CCDC197: variants seen among roughly 807,000 people sequenced by gnomAD.
The protein encoded by CCDC197 is uncharacterized protein CCDC197.
In CCDC197, 24 loss-of-function variants were observed where a neutral mutation model predicts 13.4. The ratio of observed to expected loss-of-function variants is 1.80; its 90% CI spans 1.30 to 2.53. The LOEUF (loss-of-function observed/expected upper bound fraction) is 2.53. CCDC197 is among the 30% of genes most tolerant of loss of function. The probability of loss-of-function intolerance (pLI) is 0.00; values close to 1 mark genes in which losing one functional copy is unlikely to be tolerated. For missense variants in CCDC197, 255 were observed against 148.8 expected (o/e 1.71, Z -3.71); for synonymous variants, 99 against 55.5 (o/e 1.78, Z -3.48).
At chr14:93,991,298 CAT>C (rs1203581071) in intron 1 of CCDC197, among the ~76,000 whole-genome samples, 2 of 152,192 alleles carry the variant, frequency 1.3e-5, no homozygotes, top group East Asian at 3.8e-4. Context: ...AGGCCATTCT[CAT>C]TTACTGAGAT....
chr14:94,008,677 G>T lies in CCDC197; in HGVS notation c.684G>T (p.Trp228Cys). ...TGCTCACGGAACCCAAAGTGTGCTG[G>T]TCATGGGACAGCTTCGGGGACCAGT... ...IALLTEPKVC[W>C]SWDSFGDQWL... The change falls in exon 7 of 7, where the codon TGG becomes TGT. Residue 228 changes from tryptophan to cysteine, a missense_variant. Transcript: ENST00000636493. 2 of 703,022 alleles carry T rather than the reference G, an allele frequency of 2.8e-6. No homozygotes were observed. The highest frequency in any genetic ancestry group is 5.2e-6 in the Non-Finnish European group (2 of 385,016). 43.5% of individuals were successfully genotyped at this position (703,022 alleles called of 1,614,324 possible). A position where few individuals can be genotyped will look rare whatever the true frequency, so the allele number is the denominator to read the frequency against.
chr14:94,007,190 G>A (rs1320640148), intron 6 of CCDC197: 3 of 152,286 alleles, frequency 2.0e-5, no homozygotes, highest in African/African-American at 7.2e-5. Flanking sequence ...TATCTAAAAA[G>A]CCATTACCTA....
chr14:94,001,882 G>A (rs1359017574), intron 4 of CCDC197, among the ~76,000 whole-genome samples: 25 of 152,178 alleles, frequency 1.6e-4, no homozygotes, highest in Middle Eastern at 3.2e-3. Context: ...CGGGGACTTC[G>A]GGATCCCAGA....
At chr14:93,996,073 A>T (rs1021524332), upstream of CCDC197, among the ~76,000 whole-genome samples, 1 of 152,016 alleles carries the variant, frequency 6.6e-6, no homozygotes, top group African/African-American at 2.4e-5. Context: ...TCCTCGTGAA[A>T]CACCTCGGAC....
upstream of CCDC197, among the ~76,000 whole-genome samples, chr14:93,994,152 G>A (rs1283638385): frequency 6.6e-6 from 1 of 152,184 alleles, no homozygotes; most frequent in Non-Finnish European, 1.5e-5. Flanking sequence ...CTGGACCTGG[G>A]TCCACATCCC....
At position 93,997,541 on chromosome 14, in the gene CCDC197, G is replaced by A. The variant is rs74074303; in HGVS notation, c.-164G>A. 1,264 of 152,578 alleles carry A rather than the reference G, an allele frequency of 8.3e-3. 20 individuals are homozygous for A. The highest frequency in any genetic ancestry group is 0.028 in the African/African-American group (1,172 of 41,456). The allele number at this position is 152,578 out of a possible 1,614,324, so 9.5% of individuals were successfully genotyped here. A position where few individuals can be genotyped will look rare whatever the true frequency, so the allele number is the denominator to read the frequency against. Reference sequence around the variant, plus strand: ...CCAGCTTGACCATGAGCTTCTTCAAGGCATCTCTTCTCAGTCTCCACTGTA... The same window carrying A: ...CCAGCTTGACCATGAGCTTCTTCAAAGCATCTCTTCTCAGTCTCCACTGTA... On this transcript the variant is annotated 5_prime_UTR_variant, in exon 1 of 7. Transcript: ENST00000636493.
chr14:94,001,061 C>T (rs2049315024), intron 3 of CCDC197, 84 bp from the exon 4 acceptor site: 1 of 649,000 alleles, frequency 1.5e-6, no homozygotes, highest in South Asian at 1.8e-5. Context: ...AATTTTGTGG[C>T]CCCAGCTGGA....
chr14:94,006,431 C>G (rs952707758), intron 6 of CCDC197, among the ~76,000 whole-genome samples: 2 of 151,900 alleles, frequency 1.3e-5, no homozygotes, highest in South Asian at 2.1e-4. Context: ...GCTCGGCTCA[C>G]TGCAACCTCT....
intron 6 of CCDC197, among the ~76,000 whole-genome samples, chr14:94,008,202 G>C (rs1404168247): frequency 6.6e-6 from 1 of 152,200 alleles, no homozygotes; most frequent in Non-Finnish European, 1.5e-5. Context: ...CATGAATTGA[G>C]CCACCTGAAT....
At position 93,999,666 on chromosome 14, in the gene CCDC197, G is replaced by A. The variant is rs368158733; in HGVS notation, c.187+1G>A. 6.4e-6 allele frequency: 5 copies of A among 780,870 alleles called. No individual in the cohort carries two copies. The African/African-American group carries it at 6.8e-5, about 11-fold the overall frequency. The allele number at this position is 780,870 out of a possible 1,614,324, so 48.4% of individuals were successfully genotyped here. A position where few individuals can be genotyped will look rare whatever the true frequency, so the allele number is the denominator to read the frequency against. On this transcript the variant is annotated splice_donor_variant, in intron 3 of 6. Coordinates refer to ENST00000636493, the MANE Select transcript of CCDC197 (RefSeq NM_001351596.2). LOFTEE classifies it high-confidence loss of function. ...AAGGTCCTTGAGAAAATCCCCGAGGGTATGTACACAGCTTCCTCGGAAAGC... is the reference window on the plus strand; with the variant it reads ...AAGGTCCTTGAGAAAATCCCCGAGGATATGTACACAGCTTCCTCGGAAAGC...
At chr14:94,009,851 T>A (rs1259571712), downstream of CCDC197, among the ~76,000 whole-genome samples, 1 of 152,236 alleles carries the variant, frequency 6.6e-6, no homozygotes, top group Non-Finnish European at 1.5e-5. Context: ...GTTGTGCCAC[T>A]GGGGTAAAAT....
At chr14:94,000,616 G>A (rs1329499913) in intron 3 of CCDC197, among the ~76,000 whole-genome samples, 4 of 152,120 alleles carry the variant, frequency 2.6e-5, no homozygotes, top group African/African-American at 9.7e-5. Context: ...ATGTGGCTGG[G>A]AGGCTGGGGA....
chr14:93,997,763 G>T (rs540835606), intron 1 of CCDC197, among the ~76,000 whole-genome samples, 192 bp downstream of exon 1: 3 of 152,258 alleles, frequency 2.0e-5, no homozygotes, highest in African/African-American at 7.2e-5. Flanking sequence ...AAAGTTCCCA[G>T]GCATCTTGGT....
chr14:93,987,697 A>T (rs1890122811), intron 1 of CCDC197, among the ~76,000 whole-genome samples: 1 of 152,212 alleles, frequency 6.6e-6, no homozygotes, highest in Non-Finnish European at 1.5e-5. Context: ...CGCAGGAGTC[A>T]GGACTGCAGC....
chr14:93,995,928 C>T, upstream of CCDC197, among the ~76,000 whole-genome samples: 1 of 152,248 alleles, frequency 6.6e-6, no homozygotes. Context: ...CACTCCCACC[C>T]TGATCGCCCC....
At chr14:94,008,910 T>A (rs540540139), downstream of CCDC197, 2 of 621,498 alleles carry the variant, frequency 3.2e-6, no homozygotes, top group Middle Eastern at 8.3e-4. Context: ...TGGGAGAGAG[T>A]CTGGGGGCAT....
At chr14:93,991,955 A>C (rs1890220228) in intron 1 of CCDC197, among the ~76,000 whole-genome samples, 1 of 152,376 alleles carries the variant, frequency 6.6e-6, no homozygotes, top group Admixed American at 6.5e-5. Context: ...GTCATGTTTT[A>C]AAGTGGTGGT....
chr14:93,996,263 G>C (rs1048132930), upstream of CCDC197, among the ~76,000 whole-genome samples: 6 of 149,114 alleles, frequency 4.0e-5, no homozygotes, highest in Admixed American at 3.3e-4. Flanking sequence ...TTCTCAGTCG[G>C]TGCTCAGCAC....
chr14:94,004,533 G>T (rs775410232), intron 5 of CCDC197, among the ~76,000 whole-genome samples: 2 of 152,180 alleles, frequency 1.3e-5, no homozygotes, highest in African/African-American at 4.8e-5. Flanking sequence ...GATCCTGGAG[G>T]TCTGAAGTCC....
Sources: gnomAD v4.1 joint callset for allele counts (sites outside exome capture counted in the v4.1 genomes callset) on GRCh38, gnomAD v4.1.1 for gene constraint, MANE v1.5 for transcripts, NCBI Gene and HGNC (gene_info 2026-07-23, HGNC 2026-07-21) for gene names.